The following C1QTNF3 variants were observed in gnomAD, a reference collection of about 807,000 sequenced individuals.
C1QTNF3 encodes complement C1q tumor necrosis factor-related protein 3.
C1QTNF3 carries 26 observed loss-of-function variants against 32.6 expected under a neutral mutation model. The ratio of observed to expected loss-of-function variants is 0.80; its 90% CI spans 0.58 to 1.11. C1QTNF3 has a LOEUF of 1.11. Ranked by LOEUF, C1QTNF3 falls within the 50% of genes least tolerant of loss-of-function variation. C1QTNF3 has a pLI of 0.00. For synonymous variants in C1QTNF3, 155 were observed against 146.0 expected (o/e 1.06, Z -0.44); for missense variants, 362 against 398.2 (o/e 0.91, Z 0.77).
At chr5:34,092,477 A>G in the C1QTNF3 span, among the ~76,000 whole-genome samples, 1 of 149,990 alleles carries the variant, frequency 6.7e-6, no homozygotes, top group African/African-American at 2.5e-5. Flanking sequence ...TCTCCAAATT[A>G]TACTTATTAA....
At chr5:34,227,758 G>A in the C1QTNF3 span, among the ~76,000 whole-genome samples, 2 of 151,950 alleles carry the variant, frequency 1.3e-5, no homozygotes, top group Non-Finnish European at 2.9e-5. Flanking sequence ...ATTGACCAAT[G>A]TATTTAACCA....
the C1QTNF3 span, among the ~76,000 whole-genome samples, chr5:34,189,257 C>G: frequency 5.3e-5 from 8 of 152,014 alleles, no homozygotes; most frequent in Admixed American, 3.3e-4. Flanking sequence ...GCACTCGTTG[C>G]CCAGGCTGGA....
the C1QTNF3 span, among the ~76,000 whole-genome samples, chr5:34,108,185 A>G: frequency 6.6e-6 from 1 of 151,936 alleles, no homozygotes. Flanking sequence ...TTATCGCTAT[A>G]TTATATCATA....
At chr5:34,147,211 G>T in the C1QTNF3 span, among the ~76,000 whole-genome samples, 2 of 152,194 alleles carry the variant, frequency 1.3e-5, no homozygotes, top group African/African-American at 4.8e-5. Context: ...CTGTTGCTGG[G>T]TATATGAATT....
chr5:34,048,177 G>A (rs1030850092), upstream of C1QTNF3, among the ~76,000 whole-genome samples: 1 of 152,046 alleles, frequency 6.6e-6, no homozygotes, highest in African/African-American at 2.4e-5. Flanking sequence ...TATTATAGAT[G>A]TTTGCTGAAA....
chr5:34,233,975 T>C, the C1QTNF3 span, among the ~76,000 whole-genome samples: 1 of 152,150 alleles, frequency 6.6e-6, no homozygotes, highest in Non-Finnish European at 1.5e-5. Context: ...GCAATCCTTT[T>C]TCTTATTTAA....
At chr5:34,115,511 A>C in the C1QTNF3 span, among the ~76,000 whole-genome samples, 1 of 152,188 alleles carries the variant, frequency 6.6e-6, no homozygotes, top group South Asian at 2.1e-4. Context: ...CGGGAGGATC[A>C]CAAGGTCAGG....
At chr5:34,146,419 C>T in the C1QTNF3 span, among the ~76,000 whole-genome samples, 2 of 152,294 alleles carry the variant, frequency 1.3e-5, no homozygotes, top group Middle Eastern at 3.4e-3. Context: ...TCAAACTATA[C>T]TGTAAGGCCA....
At chr5:34,234,338 C>A in the C1QTNF3 span, among the ~76,000 whole-genome samples, 27 of 152,266 alleles carry the variant, frequency 1.8e-4, no homozygotes, top group African/African-American at 6.5e-4. Context: ...TCTACTATTA[C>A]CAAATTGTAT....
At chr5:34,058,922 C>A in the C1QTNF3 span, among the ~76,000 whole-genome samples, 3 of 152,088 alleles carry the variant, frequency 2.0e-5, no homozygotes, top group Non-Finnish European at 4.4e-5. Flanking sequence ...ACACAGAGTC[C>A]CCCTACTCAA....
At chr5:34,157,172 C>T in the C1QTNF3 span, among the ~76,000 whole-genome samples, 2 of 152,146 alleles carry the variant, frequency 1.3e-5, no homozygotes, top group Non-Finnish European at 2.9e-5. Context: ...ATTACTGAAA[C>T]ATACTTGTAG....
At chr5:34,056,455 T>TGTGTGC in the C1QTNF3 span, among the ~76,000 whole-genome samples, 37 of 39,032 alleles carry the variant, frequency 9.5e-4, 1 homozygote, top group African/African-American at 4.0e-3. Context: ...TGTGTGTGTG[T>TGTGTGC]ATATATATAT....
rs1561062349 is a variant in C1QTNF3 at position 34,042,835 on chromosome 5, T to C, written c.291A>G (p.Thr97=). ...GAATTCTGAGTACCTGGCCCCAGAA[T>C]GTGGTGATCTGGGCTAGGTCATCTA... is the stretch of plus-strand genomic sequence containing the variant. ...PEVDDLAQIT[T]FWGQSPQTGG... is the part of the protein sequence containing the mutation. Residue 97 remains threonine (T), a synonymous_variant, in exon 1 of 6, where the codon ACA becomes ACG. Coordinates refer to ENST00000382065, the MANE Select transcript of C1QTNF3 (RefSeq NM_181435.6). 1 of 1,612,022 alleles carries C rather than the reference T, an allele frequency of 6.2e-7. No homozygotes were observed. Among genetic ancestry groups the C allele is most frequent in the Non-Finnish European group, 8.5e-7 (1 of 1,178,548 alleles).
the C1QTNF3 span, among the ~76,000 whole-genome samples, chr5:34,207,739 T>TA: frequency 4.0e-5 from 6 of 151,400 alleles, no homozygotes; most frequent in South Asian, 1.0e-3. Context: ...TAACTTAAAG[T>TA]AAAAAAAGCT....
At chr5:34,078,894 T>G in the C1QTNF3 span, among the ~76,000 whole-genome samples, 5 of 151,574 alleles carry the variant, frequency 3.3e-5, no homozygotes, top group African/African-American at 1.2e-4. The surrounding 1 kb of genome is among the most constrained non-coding windows in gnomAD (Gnocchi z 4.0). Context: ...CTTCCCAAAT[T>G]GTTGCTGAAC....
the C1QTNF3 span, among the ~76,000 whole-genome samples, chr5:34,202,777 T>C: frequency 2.6e-5 from 4 of 152,336 alleles, no homozygotes; most frequent in Non-Finnish European, 2.9e-5. Context: ...TTGGGAAGCA[T>C]TGCAGGCTAG....
At chr5:34,033,497 C>A in intron 2 of C1QTNF3, 39 bp from the exon 3 acceptor site, 1 of 1,613,238 alleles carries the variant, frequency 6.2e-7, no homozygotes, top group South Asian at 1.1e-5. Context: ...AAAACCCAGT[C>A]ACTCATACTT....
At chr5:34,207,299 T>C in the C1QTNF3 span, among the ~76,000 whole-genome samples, 1 of 151,550 alleles carries the variant, frequency 6.6e-6, no homozygotes, top group African/African-American at 2.4e-5. Context: ...TATATGTATA[T>C]ACTTTTGGAA....
At chr5:34,087,289 TG>T in the C1QTNF3 span, among the ~76,000 whole-genome samples, 3 of 151,066 alleles carry the variant, frequency 2.0e-5, no homozygotes, top group African/African-American at 7.3e-5. Context: ...AGTAAGATTA[TG>T]TAACTCAAAA....
Sources: allele counts gnomAD v4.1 joint callset (sites outside exome capture counted in the v4.1 genomes callset), GRCh38; gene constraint gnomAD v4.1.1; non-coding constraint Gnocchi (gnomAD v3.1); transcripts MANE v1.5; gene names NCBI Gene and HGNC (gene_info 2026-07-23, HGNC 2026-07-21).